The following ESPNL variants were observed in gnomAD, a reference collection of about 807,000 sequenced individuals.
ESPNL encodes the protein espin like, also known as espin-like protein.
ESPNL carries 49 observed loss-of-function variants against 46.8 expected under a neutral mutation model. The ratio of observed to expected loss-of-function variants is 1.05; its 90% CI spans 0.83 to 1.33. The LOEUF is 1.33. Ranked by LOEUF, ESPNL falls within the 40% of genes most tolerant of loss-of-function variation. The probability of loss-of-function intolerance (pLI) is 0.00; values close to 1 mark genes in which losing one functional copy is unlikely to be tolerated. For missense variants in ESPNL, 1,540 were observed against 1,436.6 expected (o/e 1.07, Z -1.16); for synonymous variants, 664 against 662.1 (o/e 1.00, Z -0.04).
chr2:238,127,796 C>G (rs1692175195), intron 7 of ESPNL, 62 bp downstream of exon 7: 2 of 1,300,596 alleles, frequency 1.5e-6, no homozygotes, highest in Non-Finnish European at 2.2e-6. Context: ...CATTCCCATC[C>G]TCTTAGGGGC....
At chr2:238,101,639 C>T (rs1399113272) in intron 1 of ESPNL, among the ~76,000 whole-genome samples, 2 of 152,164 alleles carry the variant, frequency 1.3e-5, no homozygotes, top group Non-Finnish European at 2.9e-5. Flanking sequence ...CAGGTGTCTG[C>T]GGGCACCCGA....
chr2:238,100,587 G>A lies in ESPNL; in HGVS notation c.168G>A (p.Val56=), dbSNP rs1055257362. The change falls in exon 1 of 9, where the codon GTG becomes GTA. Residue 56 remains valine (V), a synonymous_variant. Transcript: ENST00000343063. ...ACCTGGACTGCGTCAAGTTCTTGGT[G>A]CAGCGGGCCCAGCTGCCCGGCAACC... ...AGHLDCVKFL[V]QRAQLPGNQR... 6.4e-7 allele frequency: 1 copy of A among 1,554,700 alleles called. No homozygotes were observed. Among genetic ancestry groups the A allele is most frequent in the Non-Finnish European group, 8.7e-7 (1 of 1,153,448 alleles).
Position 238,104,805 on chromosome 2 carries a change from C to T in ESPNL, c.635C>T (p.Ala212Val). 1 of 1,559,502 alleles carries T rather than the reference C, an allele frequency of 6.4e-7. No homozygotes were observed. Among genetic ancestry groups the T allele is most frequent in the Non-Finnish European group, 8.7e-7 (1 of 1,154,690 alleles). The change falls in exon 3 of 9, where the codon GCC becomes GTC. Residue 212 changes from alanine to valine, a missense_variant. By Grantham distance (64) the Ala-to-Val change is moderately conservative. Coordinates refer to ENST00000343063, the MANE Select transcript of ESPNL (RefSeq NM_194312.4). ...GATGGCATGAGCGCCCTGCACGCTG[C>T]CGCCGCCCGTGGCCACTACTCCCTC... Reference protein sequence around the residue: ...ALDGMSALHAAAARGHYSLVV... With the variant: ...ALDGMSALHAVAARGHYSLVV...
intron 5 of ESPNL, among the ~76,000 whole-genome samples, chr2:238,124,406 C>T (rs1692052117): frequency 6.6e-6 from 1 of 152,224 alleles, no homozygotes; most frequent in Admixed American, 6.5e-5. Context: ...CATCCTAGTC[C>T]ACTGCCCTTC....
At chr2:238,100,802 AC>A (rs1691451214) in intron 1 of ESPNL, 89 bp downstream of exon 1, 1 of 1,182,022 alleles carries the variant, frequency 8.5e-7, no homozygotes, top group Non-Finnish European at 1.1e-6. Flanking sequence ...AGTACTGGCC[AC>A]CCCGGGCTCC....
rs762023289 is a variant in ESPNL at position 238,130,421 on chromosome 2, A to G, written c.1707A>G (p.Pro569=). 31 of 1,608,136 alleles carry G rather than the reference A, an allele frequency of 1.9e-5. No homozygotes were observed. The highest frequency in any genetic ancestry group is 2.6e-5 in the Non-Finnish European group (31 of 1,178,166). Residue 569 remains proline, a synonymous_variant, in exon 9 of 9, where the codon CCA becomes CCG. Coordinates refer to ENST00000343063, the MANE Select transcript of ESPNL (RefSeq NM_194312.4). ...PGLEVEEASI[P]AAEPAGSAEA... is the part of the protein sequence containing the mutation. The stretch of plus-strand genomic sequence containing the variant: ...TGGAGGTTGAGGAGGCCTCAATCCC[A>G]GCGGCTGAGCCCGCAGGGTCTGCGG...
rs956589592 is a variant in ESPNL at position 238,101,937 on chromosome 2, G to A, written c.295-4G>A. On this transcript the variant is annotated splice_polypyrimidine_tract_variant and splice_region_variant and intron_variant, in intron 1 of 8. Transcript: ENST00000343063. ...CACTCACTGACCTACCCGGGGCTTG[G>A]TAGGACCAAGATGCCTCGGGCGTCT... 1.2e-5 allele frequency: 19 copies of A among 1,605,486 alleles called. No individual in the cohort carries two copies. The highest frequency in any genetic ancestry group is 1.4e-5 in the Non-Finnish European group (17 of 1,178,188).
chr2:238,102,158 G>A (rs1254791388), intron 2 of ESPNL, 27 bp downstream of exon 2: 3 of 1,497,002 alleles, frequency 2.0e-6, no homozygotes, highest in African/African-American at 1.4e-5. Context: ...CCCGCCTGGG[G>A]GGGCAGCCTG....
In ESPNL at chr2:238,119,536, G is replaced by GTTAGATGAAGGAGGAA. The variant is rs1691937111; in HGVS notation, c.987+2503_987+2504insTAGATGAAGGAGGAAT. 1.4e-5 allele frequency among the ~76,000 whole-genome samples: 2 copies of GTTAGATGAAGGAGGAA among 143,472 alleles called. 1 individual carries two copies. The highest frequency in any genetic ancestry group is 5.4e-5 in the African/African-American group (2 of 37,022). 94.1% of individuals were successfully genotyped at this position (143,472 alleles called of 152,430 possible). On this transcript the variant is annotated intron_variant, in intron 5 of 8. Transcript: ENST00000343063. ...GGGTGGAGGAGGGGAGATGGAGGAG[G>GTTAGATGAAGGAGGAA]TGGATGGAGGAGGTGGATGAAGGAG...
At chr2:238,129,448 G>A (rs1302742599) in intron 8 of ESPNL, among the ~76,000 whole-genome samples, 1 of 152,166 alleles carries the variant, frequency 6.6e-6, no homozygotes, top group Non-Finnish European at 1.5e-5. Context: ...GGGCTGGCCG[G>A]GGGAGGAGCA....
chr2:238,100,555 G>A lies in ESPNL; in HGVS notation c.136G>A (p.Ala46Thr). ...GAGLVHHATR[A>T]GHLDCVKFLV... ...CGGCCTGGTTCACCACGCCACCCGG[G>A]CTGGCCACCTGGACTGCGTCAAGTT... The change falls in exon 1 of 9, where the codon GCT becomes ACT. Residue 46 changes from alanine to threonine, a missense_variant. Coordinates refer to ENST00000343063, the MANE Select transcript of ESPNL (RefSeq NM_194312.4). 1.3e-6 allele frequency: 2 copies of A among 1,590,620 alleles called. No homozygotes were observed. The highest frequency in any genetic ancestry group is 2.3e-5 in the South Asian group (2 of 87,722).
chr2:238,127,556 C>A (rs1692167264), intron 6 of ESPNL, 66 bp from the exon 7 acceptor site: 8 of 1,501,112 alleles, frequency 5.3e-6, no homozygotes, highest in Non-Finnish European at 6.3e-6. Context: ...GGCCGGATCC[C>A]CGAGGCTCTG....
Position 238,130,431 on chromosome 2 carries a change from C to T in ESPNL, c.1717C>T (p.Pro573Ser), listed in dbSNP as rs753846325. The change falls in exon 9 of 9, where the codon CCC (proline) becomes TCC (serine). Residue 573 changes from proline to serine, a missense_variant. By Grantham distance (74) the Pro-to-Ser change is moderately conservative. Coordinates refer to ENST00000343063, the MANE Select transcript of ESPNL (RefSeq NM_194312.4). ...VEEASIPAAEPAGSAEASEVA... is the reference protein window; with the variant it reads ...VEEASIPAAESAGSAEASEVA... ...GGAGGCCTCAATCCCAGCGGCTGAGCCCGCAGGGTCTGCGGAGGCCTCAGA... is the reference window on the plus strand; with the variant it reads ...GGAGGCCTCAATCCCAGCGGCTGAGTCCGCAGGGTCTGCGGAGGCCTCAGA... 22 of 1,607,062 alleles carry T rather than the reference C, an allele frequency of 1.4e-5. No individual in the cohort carries two copies. The highest frequency in any genetic ancestry group is 1.9e-5 in the Non-Finnish European group (22 of 1,177,714).
At position 238,105,711 on chromosome 2, in the gene ESPNL, C is replaced by T. The variant is rs558124035; in HGVS notation, c.672+869C>T. Reference sequence around the variant, plus strand: ...CGGGCAGGAAAGGCAGACAGAGGCGCTGGGAGGACCGGGGCTCTTTCCTGA... The same window carrying T: ...CGGGCAGGAAAGGCAGACAGAGGCGTTGGGAGGACCGGGGCTCTTTCCTGA... On this transcript the variant is annotated intron_variant, in intron 3 of 8. Transcript: ENST00000343063. Among the ~76,000 whole-genome samples, 363 of 152,218 alleles carry T rather than the reference C, an allele frequency of 2.4e-3. 2 individuals are homozygous for T. Among genetic ancestry groups the T allele is most frequent in the Non-Finnish European group, 4.4e-3 (296 of 68,002 alleles).
At chr2:238,112,034 TG>T (rs1691726955) in intron 4 of ESPNL, among the ~76,000 whole-genome samples, 1 of 152,084 alleles carries the variant, frequency 6.6e-6, no homozygotes, top group Admixed American at 6.6e-5. Context: ...AATTAGGGAG[TG>T]TTTCCTCTTT....
Position 238,130,675 on chromosome 2 carries a change from C to T in ESPNL, c.1961C>T (p.Thr654Met), listed in dbSNP as rs757311152. The T allele has an allele frequency of 1.4e-5, 22 of 1,561,500 alleles. No homozygotes were observed. The highest frequency in any genetic ancestry group is 4.7e-5 in the South Asian group (4 of 85,128). ...QIQEWGVSVR[T>M]LRGNFESASG... ...CAGGAGTGGGGGGTGTCTGTGCGGA[C>T]GCTGCGGGGCAACTTCGAGTCGGCC... Residue 654 changes from threonine to methionine, a missense_variant, in exon 9 of 9, where the codon ACG (threonine) becomes ATG (methionine). Thr to Met is a moderately conservative substitution (Grantham distance 81). Transcript: ENST00000343063.
At chr2:238,118,622 GTGGATGGAGGAGGAA>G (rs1376721150) in intron 5 of ESPNL, among the ~76,000 whole-genome samples, 1 of 127,046 alleles carries the variant, frequency 7.9e-6, no homozygotes, top group East Asian at 2.3e-4. Flanking sequence ...ATGGAGGAGG[GTGGATGGAGGAGGAA>G]TGGATGGAGG....
At position 238,125,402 on chromosome 2, in the gene ESPNL, A is replaced by ACCCAGGGC. The variant is rs1692083400; in HGVS notation, c.1102+18_1102+19insCCCAGGGC. 1 of 1,450,166 alleles carries ACCCAGGGC rather than the reference A, an allele frequency of 6.9e-7. No homozygotes were observed. The highest frequency in any genetic ancestry group is 1.4e-5 in the South Asian group (1 of 73,036). The allele number at this position is 1,450,166 out of a possible 1,614,324, so 89.8% of individuals were successfully genotyped here. A position where few individuals can be genotyped will look rare whatever the true frequency, so the allele number is the denominator to read the frequency against. ...CCCCAGCCGTGAGTGCACAGCCCCA[A>ACCCAGGGC]GTGGGCCACCCAGGGCATGGGCCTG... On this transcript the variant is annotated intron_variant, in intron 6 of 8. Coordinates refer to ENST00000343063, the MANE Select transcript of ESPNL (RefSeq NM_194312.4).
Position 238,127,662 on chromosome 2 carries a change from G to A in ESPNL, c.1143G>A (p.Gln381=). 2 of 1,612,634 alleles carry A rather than the reference G, an allele frequency of 1.2e-6. No individual in the cohort carries two copies. The highest frequency in any genetic ancestry group is 1.7e-6 in the Non-Finnish European group (2 of 1,179,514). Residue 381 remains glutamine (Q), a synonymous_variant, in exon 7 of 9, where the codon CAG becomes CAA. Coordinates refer to ENST00000343063, the MANE Select transcript of ESPNL (RefSeq NM_194312.4). The stretch of plus-strand genomic sequence containing the variant: ...CGGCCTGGCCTGGCCATCCTGACCA[G>A]CCTCTTCCCAGGGAGCAGATGACCA... ...LSPAWPGHPD[Q]PLPREQMTSP...
Sources: gnomAD v4.1 joint callset for allele counts (sites outside exome capture counted in the v4.1 genomes callset) on GRCh38, gnomAD v4.1.1 for gene constraint, MANE v1.5 for transcripts, NCBI Gene and HGNC (gene_info 2026-07-23, HGNC 2026-07-21) for gene names.